The following SMOC1 variants were observed in gnomAD, a reference collection of about 807,000 sequenced individuals.
SMOC1 encodes SPARC-related modular calcium-binding protein 1.
SMOC1 carries 22 observed loss-of-function variants against 56.3 expected under a neutral mutation model. That is an observed-to-expected ratio of 0.39 (90% confidence interval 0.28 to 0.56). SMOC1 has a LOEUF of 0.56. SMOC1 is among the 20% of genes least tolerant of loss of function. SMOC1 has a pLI of 0.61. For synonymous variants in SMOC1, 193 were observed against 215.0 expected, an observed-to-expected ratio of 0.90 and a Z score of 0.89; for missense variants, 509 against 565.4, an observed-to-expected ratio of 0.90 and a Z score of 1.01.
chr14:69,925,227 AGGGAGGAGGGGAAGCAG>A (rs1178446177), intron 1 of SMOC1, among the ~76,000 whole-genome samples: 1 of 54,616 alleles, frequency 1.8e-5, no homozygotes, highest in Non-Finnish European at 3.4e-5. Flanking sequence ...AGGGATGCTA[AGGGAGGAGGGGAAGCAG>A]GGGAGGAGGG....
chr14:69,971,903 A>T (rs188788754), intron 3 of SMOC1, among the ~76,000 whole-genome samples: 1 of 152,218 alleles, frequency 6.6e-6, no homozygotes, highest in East Asian at 1.9e-4. Context: ...TCAGAATAGG[A>T]TGTTCTTTTG....
intron 10 of SMOC1, among the ~76,000 whole-genome samples, chr14:70,014,590 C>T (rs1214276906): frequency 3.9e-5 from 6 of 152,088 alleles, no homozygotes; most frequent in African/African-American, 2.4e-5. Flanking sequence ...ACTCAGATCC[C>T]GAAAGTCCTG....
At chr14:69,981,935 G>T (rs1214161685) in intron 5 of SMOC1, among the ~76,000 whole-genome samples, 1 of 152,178 alleles carries the variant, frequency 6.6e-6, no homozygotes, top group Non-Finnish European at 1.5e-5. Context: ...TGCAAGGAGG[G>T]AAGGAAGTTC....
At chr14:69,885,104 G>A (rs556852063) in intron 1 of SMOC1, among the ~76,000 whole-genome samples, 1 of 152,150 alleles carries the variant, frequency 6.6e-6, no homozygotes, top group African/African-American at 2.4e-5. Context: ...TCTTCAACCT[G>A]AAACTTATTT....
intron 3 of SMOC1, among the ~76,000 whole-genome samples, chr14:69,974,597 A>C (rs896660839): frequency 2.0e-5 from 3 of 152,168 alleles, no homozygotes; most frequent in African/African-American, 7.2e-5. Context: ...AACGCGAATC[A>C]CTGAAGGATT....
intron 1 of SMOC1, among the ~76,000 whole-genome samples, chr14:69,951,387 C>T (rs1021366455): frequency 5.9e-5 from 9 of 152,110 alleles, no homozygotes; most frequent in African/African-American, 9.7e-5. Context: ...ATTTACTATG[C>T]GTCTTGGAGG....
chr14:70,008,220 C>T (rs1885211149), intron 7 of SMOC1, among the ~76,000 whole-genome samples: 1 of 152,120 alleles, frequency 6.6e-6, no homozygotes, highest in African/African-American at 2.4e-5. Flanking sequence ...GCCTCAACCT[C>T]CTGGACTCAG....
chr14:69,975,787 G>A lies in SMOC1; in HGVS notation c.451G>A (p.Val151Met). The A allele has an allele frequency of 3.7e-6, 6 of 1,612,602 alleles. No homozygotes were observed. The highest frequency in any genetic ancestry group is 5.1e-6 in the Non-Finnish European group (6 of 1,179,858). The change falls in exon 4 of 12, where the codon GTG (valine) becomes ATG (methionine). Residue 151 changes from valine to methionine, a missense_variant. Val to Met is a conservative substitution (Grantham distance 21, BLOSUM62 1). Coordinates refer to ENST00000361956, the MANE Select transcript of SMOC1 (RefSeq NM_001034852.3). ...PDGKPISGSS[V>M]QNKTPVCSGS... Reference sequence around the variant, plus strand: ...TGGGAAGCCCATCAGTGGCTCTTCTGTGCAGAATAAAACTCCTGTATGTTC... The same window carrying A: ...TGGGAAGCCCATCAGTGGCTCTTCTATGCAGAATAAAACTCCTGTATGTTC...
chr14:69,879,654 CCGGCT>C lies in SMOC1; in HGVS notation c.-24_-20del, dbSNP rs1426137076. The C allele has an allele frequency of 9.5e-6, 14 of 1,472,474 alleles. No homozygotes were observed. The highest frequency in any genetic ancestry group is 1.2e-5 in the Non-Finnish European group (13 of 1,118,426). The allele number at this position is 1,472,474 out of a possible 1,614,324, so 91.2% of individuals were successfully genotyped here. A position where few individuals can be genotyped will look rare whatever the true frequency, so the allele number is the denominator to read the frequency against. On this transcript the variant is annotated 5_prime_UTR_variant, in exon 1 of 12. Coordinates refer to ENST00000361956, the MANE Select transcript of SMOC1 (RefSeq NM_001034852.3). ...CGGAGCCCGCGAACCCCGCTCGCTGCCGGCTGCCCAGCCTGGCTGGCACCATGCTG... is the reference window on the plus strand; with the variant it reads ...CGGAGCCCGCGAACCCCGCTCGCTGCGCCCAGCCTGGCTGGCACCATGCTG...
intron 1 of SMOC1, among the ~76,000 whole-genome samples, chr14:69,913,456 G>A (rs983545242): frequency 8.0e-5 from 8 of 100,120 alleles, no homozygotes; most frequent in South Asian, 2.6e-4. Flanking sequence ...ATGAATTGGC[G>A]TGTGTGTGTG....
At chr14:69,966,433 T>C (rs1458881767) in intron 3 of SMOC1, among the ~76,000 whole-genome samples, 1 of 152,202 alleles carries the variant, frequency 6.6e-6, no homozygotes, top group East Asian at 1.9e-4. Context: ...GGATTGGTGG[T>C]CTTAACACTG....
intron 1 of SMOC1, among the ~76,000 whole-genome samples, chr14:69,923,637 C>T (rs1789560173): frequency 6.6e-6 from 1 of 152,184 alleles, no homozygotes; most frequent in South Asian, 2.1e-4. Flanking sequence ...GATCCATACC[C>T]TGGTGACTCT....
intron 1 of SMOC1, among the ~76,000 whole-genome samples, chr14:69,911,729 C>A (rs1160610693): frequency 3.9e-5 from 6 of 152,138 alleles, no homozygotes; most frequent in Admixed American, 2.0e-4. Context: ...GTGAATGTAT[C>A]ATGGTTTGTT....
At chr14:70,010,635 C>A (rs980125655) in intron 7 of SMOC1, 119 bp from the exon 8 acceptor site, 1 of 1,025,968 alleles carries the variant, frequency 9.7e-7, no homozygotes, top group Non-Finnish European at 1.5e-6. Context: ...AATGGGGCAG[C>A]TCATCAGTTC....
intron 1 of SMOC1, among the ~76,000 whole-genome samples, chr14:69,939,472 G>A (rs1446365634): frequency 1.3e-5 from 2 of 152,160 alleles, no homozygotes; most frequent in Non-Finnish European, 2.9e-5. Context: ...GATTTGGGTG[G>A]GGAAATAGCC....
At chr14:69,974,045 TG>T (rs1883870875) in intron 3 of SMOC1, among the ~76,000 whole-genome samples, 1 of 152,262 alleles carries the variant, frequency 6.6e-6, no homozygotes, top group Admixed American at 6.5e-5. Flanking sequence ...TTATAATTGA[TG>T]GAGACCAAGA....
chr14:69,988,960 AT>A (rs1884467951), intron 5 of SMOC1, among the ~76,000 whole-genome samples: 1 of 152,198 alleles, frequency 6.6e-6, no homozygotes, highest in South Asian at 2.1e-4. Context: ...AGACATTTGG[AT>A]TGTTTTCAGT....
chr14:69,952,742 C>A (rs751652618), intron 2 of SMOC1, among the ~76,000 whole-genome samples: 8 of 152,124 alleles, frequency 5.3e-5, no homozygotes, highest in Non-Finnish European at 1.0e-4. Context: ...GCTTTTTGTC[C>A]TTCTTTTCCA....
chr14:69,941,738 G>T (rs1882573344), intron 1 of SMOC1, among the ~76,000 whole-genome samples: 2 of 152,192 alleles, frequency 1.3e-5, no homozygotes, highest in African/African-American at 4.8e-5. Flanking sequence ...TCTATGAAGG[G>T]TCATTTCTAA....
Sources: allele counts gnomAD v4.1 joint callset (sites outside exome capture counted in the v4.1 genomes callset), GRCh38; gene constraint gnomAD v4.1.1; transcripts MANE v1.5; gene names NCBI Gene and HGNC (gene_info 2026-07-23, HGNC 2026-07-21).